SLC35F3: variants seen among roughly 807,000 people sequenced by gnomAD.
The protein encoded by SLC35F3 is solute carrier family 35 member F3, also known as putative thiamine transporter SLC35F3.
In SLC35F3, 25 loss-of-function variants were observed where a neutral mutation model predicts 49.9. The observed-to-expected ratio is 0.50, with a 90% CI of 0.37 to 0.70. The LOEUF is 0.70. Among genes scored for constraint, SLC35F3 ranks in the 30% least tolerant of loss-of-function variants. The pLI, the probability that SLC35F3 is intolerant of heterozygous loss-of-function variation, is 0.00. For missense variants in SLC35F3, 525 were observed against 639.8 expected (o/e 0.82, Z 1.94); for synonymous variants, 275 against 265.4 (o/e 1.04, Z -0.35).
chr1:234,018,373 G>A (rs1461000992), intron 2 of SLC35F3, among the ~76,000 whole-genome samples: 1 of 152,204 alleles, frequency 6.6e-6, no homozygotes, highest in African/African-American at 2.4e-5. Context: ...CTGGCTCTGA[G>A]GAATGTACAG....
intron 2 of SLC35F3, among the ~76,000 whole-genome samples, chr1:233,971,098 A>G (rs913146166): frequency 6.6e-6 from 1 of 152,254 alleles, no homozygotes; most frequent in African/African-American, 2.4e-5. Flanking sequence ...CACAGGCACC[A>G]TGAGCCAATG....
intron 3 of SLC35F3, among the ~76,000 whole-genome samples, chr1:234,263,848 G>T (rs748810666): frequency 4.6e-5 from 7 of 152,158 alleles, no homozygotes; most frequent in African/African-American, 4.8e-5. Flanking sequence ...GGTGGCTCAC[G>T]CTTGTAATCC....
At chr1:233,918,531 C>T (rs933167914) in intron 2 of SLC35F3, among the ~76,000 whole-genome samples, 1 of 152,144 alleles carries the variant, frequency 6.6e-6, no homozygotes, top group Non-Finnish European at 1.5e-5. Flanking sequence ...CACTGTGGCT[C>T]AAGCCTGTAA....
At chr1:234,191,720 AAAG>A (rs1289837835) in intron 2 of SLC35F3, among the ~76,000 whole-genome samples, 1 of 152,204 alleles carries the variant, frequency 6.6e-6, no homozygotes, top group Non-Finnish European at 1.5e-5. Context: ...TTAACCAAGA[AAAG>A]AAGAGAGAAG....
intron 2 of SLC35F3, among the ~76,000 whole-genome samples, chr1:234,050,506 T>C (rs929772635): frequency 1.3e-5 from 2 of 152,346 alleles, no homozygotes; most frequent in African/African-American, 4.8e-5. Flanking sequence ...TCCTATAAAT[T>C]TGTTTAAGTT....
At chr1:233,945,576 A>T (rs1408199638) in intron 2 of SLC35F3, among the ~76,000 whole-genome samples, 1 of 152,168 alleles carries the variant, frequency 6.6e-6, no homozygotes, top group Non-Finnish European at 1.5e-5. Context: ...TATCTCAGGG[A>T]TGTTGATACA....
intron 2 of SLC35F3, among the ~76,000 whole-genome samples, chr1:234,161,836 G>T (rs1666232368): frequency 6.6e-6 from 1 of 152,062 alleles, no homozygotes; most frequent in South Asian, 2.1e-4. Flanking sequence ...ACTTTGGCTT[G>T]TGCATAAACT....
intron 2 of SLC35F3, among the ~76,000 whole-genome samples, chr1:234,215,680 G>A (rs926824834): frequency 1.3e-5 from 2 of 152,222 alleles, no homozygotes; most frequent in Non-Finnish European, 2.9e-5. Flanking sequence ...GTGACTTCTT[G>A]TTTATTACAA....
chr1:234,157,848 G>A (rs1666175717), intron 2 of SLC35F3, among the ~76,000 whole-genome samples: 1 of 152,158 alleles, frequency 6.6e-6, no homozygotes, highest in African/African-American at 2.4e-5. Context: ...CTGTTGAAAG[G>A]AGGAAAAACA....
chr1:234,291,201 G>A (rs138574993), intron 3 of SLC35F3, among the ~76,000 whole-genome samples: 26 of 152,292 alleles, frequency 1.7e-4, no homozygotes, highest in African/African-American at 6.0e-4. Flanking sequence ...GGCAATACCC[G>A]TCATTCAATT....
chr1:234,260,179 A>G (rs976563022), intron 3 of SLC35F3, among the ~76,000 whole-genome samples: 1 of 152,188 alleles, frequency 6.6e-6, no homozygotes, highest in Non-Finnish European at 1.5e-5. Context: ...ACTGGTTACT[A>G]TGTCTCAAAA....
chr1:234,249,399 G>A (rs1484984684), intron 3 of SLC35F3, among the ~76,000 whole-genome samples: 1 of 152,174 alleles, frequency 6.6e-6, no homozygotes, highest in Non-Finnish European at 1.5e-5. Context: ...GGCTGTGTGT[G>A]AACCCTCAGG....
intron 3 of SLC35F3, among the ~76,000 whole-genome samples, chr1:234,301,284 A>T (rs1395311477): frequency 1.3e-5 from 2 of 152,224 alleles, no homozygotes; most frequent in African/African-American, 4.8e-5. Flanking sequence ...GTGGTATTGC[A>T]ATCTACCCAT....
At chr1:234,170,774 G>A (rs545599316) in intron 2 of SLC35F3, among the ~76,000 whole-genome samples, 1 of 152,310 alleles carries the variant, frequency 6.6e-6, no homozygotes, top group Admixed American at 6.5e-5. Flanking sequence ...TTTGAGGAGC[G>A]TTCAAGGAAG....
At chr1:233,919,519 A>T (rs753022754) in intron 2 of SLC35F3, among the ~76,000 whole-genome samples, 5 of 152,094 alleles carry the variant, frequency 3.3e-5, no homozygotes, top group Non-Finnish European at 7.4e-5. Context: ...CTAATGTTGC[A>T]CCCTAAAAAT....
chr1:233,942,634 A>G (rs761168096), intron 2 of SLC35F3, among the ~76,000 whole-genome samples: 44 of 152,112 alleles, frequency 2.9e-4, no homozygotes, highest in Non-Finnish European at 5.7e-4. Context: ...AGCTGGTCTC[A>G]AACTCCCAGG....
intron 2 of SLC35F3, among the ~76,000 whole-genome samples, chr1:234,127,534 A>T (rs1211686426): frequency 1.3e-5 from 2 of 152,202 alleles, no homozygotes; most frequent in African/African-American, 4.8e-5. Context: ...TAATGCTGTC[A>T]TTCGATGCAG....
At chr1:234,028,752 G>C (rs527801890) in intron 2 of SLC35F3, among the ~76,000 whole-genome samples, 2 of 152,196 alleles carry the variant, frequency 1.3e-5, no homozygotes, top group Non-Finnish European at 2.9e-5. Context: ...GTAGAAAGTG[G>C]CATCTCTTCC....
chr1:234,297,671 G>A (rs541253267), intron 3 of SLC35F3, among the ~76,000 whole-genome samples: 8 of 151,628 alleles, frequency 5.3e-5, no homozygotes, highest in Admixed American at 3.3e-4. Flanking sequence ...TTGAGCCCTG[G>A]AGATTGAGGC....
Sources: gnomAD v4.1 joint callset for allele counts (sites outside exome capture counted in the v4.1 genomes callset) on GRCh38, gnomAD v4.1.1 for gene constraint, MANE v1.5 for transcripts, NCBI Gene and HGNC (gene_info 2026-07-23, HGNC 2026-07-21) for gene names.